Variants in SESN1 observed in about 807,000 individuals in gnomAD.
The protein encoded by SESN1 is sestrin 1, also known as sestrin-1.
SESN1 carries 30 observed loss-of-function variants against 59.3 expected under a neutral mutation model. The observed-to-expected ratio is 0.51, with a 90% CI of 0.38 to 0.69. The LOEUF is 0.69. SESN1 is among the 30% of genes least tolerant of loss of function. The probability of loss-of-function intolerance (pLI) is 0.00; values close to 1 mark genes in which losing one functional copy is unlikely to be tolerated. For synonymous variants in SESN1, 197 were observed against 219.9 expected (o/e 0.90, Z 0.92); for missense variants, 566 against 673.0 (o/e 0.84, Z 1.76).
chr6:109,022,134 T>C (rs924724102), intron 1 of SESN1, among the ~76,000 whole-genome samples: 1 of 152,050 alleles, frequency 6.6e-6, no homozygotes, highest in African/African-American at 2.4e-5. Context: ...TAATTTCCTA[T>C]AGAGATGCAC....
intron 1 of SESN1, among the ~76,000 whole-genome samples, chr6:109,033,247 G>A (rs760612466): frequency 8.5e-5 from 13 of 152,108 alleles, no homozygotes; most frequent in Non-Finnish European, 1.9e-4. Flanking sequence ...AGTAACAAAG[G>A]TATAAACCAG....
intron 1 of SESN1, among the ~76,000 whole-genome samples, chr6:109,051,991 T>C (rs1360794571): frequency 6.6e-6 from 1 of 152,218 alleles, no homozygotes; most frequent in Non-Finnish European, 1.5e-5. Context: ...ACCCAAATTT[T>C]GGAGTGACAC....
Position 108,994,508 on chromosome 6 carries a change from T to C in SESN1, c.1074A>G (p.Ser358=). Residue 358 remains serine, a synonymous_variant, in exon 6 of 10, where the codon TCA becomes TCG. Coordinates refer to ENST00000436639, the MANE Select transcript of SESN1 (RefSeq NM_014454.3). ...EEEASQEEMA[S]RFEIEKRESM... ...TCTCTCTTTTTTCTATTTCAAAACG[T>C]GAAGCCATCTCTTCCTGACTTGCCT... 9 of 1,613,336 alleles carry C rather than the reference T, an allele frequency of 5.6e-6. No individual in the cohort carries two copies. The highest frequency in any genetic ancestry group is 7.6e-6 in the Non-Finnish European group (9 of 1,179,578).
intron 1 of SESN1, among the ~76,000 whole-genome samples, chr6:109,014,252 A>G (rs532981571): frequency 2.0e-4 from 31 of 152,330 alleles, no homozygotes; most frequent in Middle Eastern, 3.4e-3. Flanking sequence ...AATGTGTTAA[A>G]TAACGGTCAG....
chr6:108,989,282 C>T (rs780902980), intron 8 of SESN1, among the ~76,000 whole-genome samples: 7 of 152,036 alleles, frequency 4.6e-5, no homozygotes, highest in Admixed American at 2.0e-4. Flanking sequence ...GGATTATGGG[C>T]GTGAGCCACC....
At position 108,987,039 on chromosome 6, in the gene SESN1, C is replaced by G. The variant is rs1476854365; in HGVS notation, c.*505G>C. ...ATAATGCAAGTTTAATTTGAAATCACACAAGTTATGTATGTAGGCTCAGAT... is the reference window on the plus strand; with the variant it reads ...ATAATGCAAGTTTAATTTGAAATCAGACAAGTTATGTATGTAGGCTCAGAT... On this transcript the variant is annotated 3_prime_UTR_variant, in exon 10 of 10. Coordinates refer to ENST00000436639, the MANE Select transcript of SESN1 (RefSeq NM_014454.3). 1.3e-5 allele frequency: 2 copies of G among 152,720 alleles called. No individual in the cohort carries two copies. Among genetic ancestry groups the G allele is most frequent in the Non-Finnish European group, 2.9e-5 (2 of 68,134 alleles). 9.5% of individuals were successfully genotyped at this position (152,720 alleles called of 1,614,324 possible).
In SESN1 at chr6:109,094,279, A is replaced by G. The variant is rs969000537; in HGVS notation, c.-206T>C. On this transcript the variant is annotated 5_prime_UTR_variant, in exon 1 of 10. Transcript: ENST00000436639. ...CCCTCTCACCCTCTCCTTGTACACG[A>G]AAGGGCAGTCTTCTTTCTGGAAAAA... 5 of 573,340 alleles carry G rather than the reference A, an allele frequency of 8.7e-6. No homozygotes were observed. The highest frequency in any genetic ancestry group is 7.5e-5 in the African/African-American group (4 of 52,990). 35.5% of individuals were successfully genotyped at this position (573,340 alleles called of 1,614,324 possible). A position where few individuals can be genotyped will look rare whatever the true frequency, so the allele number is the denominator to read the frequency against.
chr6:109,041,006 A>G (rs1780331965), intron 1 of SESN1, among the ~76,000 whole-genome samples: 1 of 151,888 alleles, frequency 6.6e-6, no homozygotes, highest in Non-Finnish European at 1.5e-5. Context: ...AGTGTGCATC[A>G]TTTCAAATTG....
chr6:109,022,475 T>C (rs1780028021), intron 1 of SESN1, among the ~76,000 whole-genome samples: 1 of 130,032 alleles, frequency 7.7e-6, no homozygotes, highest in Non-Finnish European at 1.5e-5. Flanking sequence ...CAGGCTGGAG[T>C]GCAGTGGCGC....
At chr6:109,072,636 G>A (rs1373231243) in intron 1 of SESN1, among the ~76,000 whole-genome samples, 1 of 152,144 alleles carries the variant, frequency 6.6e-6, no homozygotes, top group Admixed American at 6.5e-5. Flanking sequence ...ACAATGGAGA[G>A]AGCAGGCAAG....
chr6:109,075,707 C>T (rs1441788929), intron 1 of SESN1, among the ~76,000 whole-genome samples: 2 of 152,254 alleles, frequency 1.3e-5, no homozygotes, highest in East Asian at 3.9e-4. Context: ...TTATAGGAGA[C>T]CCTGAAACAG....
At chr6:109,011,398 T>C (rs1779855843) in intron 1 of SESN1, among the ~76,000 whole-genome samples, 1 of 152,126 alleles carries the variant, frequency 6.6e-6, no homozygotes, top group African/African-American at 2.4e-5. Context: ...ATAATTTTAA[T>C]TTAATATTCT....
chr6:109,050,388 T>TAAAA (rs571788136), intron 1 of SESN1, among the ~76,000 whole-genome samples: 8 of 134,106 alleles, frequency 6.0e-5, no homozygotes, highest in African/African-American at 2.2e-4. Context: ...TTTAAATTGT[T>TAAAA]AAAAAAAAAA....
In SESN1 at chr6:108,994,543, C is replaced by G. The variant is rs760701656; in HGVS notation, c.1039G>C (p.Asp347His). ...EKMRQLQECR[D>H]EEEASQEEMA... ...TCTTCCTGACTTGCCTCTTCTTCAT[C>G]TCGACATTCCTGTAACTGCCTCATC... Residue 347 changes from aspartate to histidine, a missense_variant, in exon 6 of 10, where the codon GAT (aspartate) becomes CAT (histidine). Asp to His is a moderately conservative substitution (Grantham distance 81). Transcript: ENST00000436639. 4 of 1,613,630 alleles carry G rather than the reference C, an allele frequency of 2.5e-6. No individual in the cohort carries two copies. The highest frequency in any genetic ancestry group is 1.7e-5 in the Admixed American group (1 of 60,020).
chr6:109,045,719 C>A (rs1780418514), intron 1 of SESN1, among the ~76,000 whole-genome samples: 1 of 152,212 alleles, frequency 6.6e-6, no homozygotes, highest in African/African-American at 2.4e-5. Context: ...CCATCCAAAG[C>A]CTTTGCAGAA....
chr6:109,043,548 C>T (rs1016663553), intron 1 of SESN1, among the ~76,000 whole-genome samples: 1 of 152,030 alleles, frequency 6.6e-6, no homozygotes. Flanking sequence ...AGTTAATATA[C>T]AAGAGTGAAT....
chr6:109,020,344 T>C (rs1241969226), intron 1 of SESN1, among the ~76,000 whole-genome samples: 1 of 152,236 alleles, frequency 6.6e-6, no homozygotes, highest in East Asian at 1.9e-4. Flanking sequence ...ATCTTTATTA[T>C]GCCAGATACT....
At position 108,988,439 on chromosome 6, in the gene SESN1, G is replaced by T. The variant is rs1234555177; in HGVS notation, c.1569+104C>A. ...GCTGTCCTGGAATGTTTTTCTTTGG[G>T]TTGGTAGGGGTGATGGAAAGGGTTT... is the stretch of plus-strand genomic sequence containing the variant. On this transcript the variant is annotated intron_variant, in intron 9 of 9. Coordinates refer to ENST00000436639, the MANE Select transcript of SESN1 (RefSeq NM_014454.3). The T allele has an allele frequency of 5.0e-6, 5 of 1,005,528 alleles. No homozygotes were observed. The East Asian group carries it at 8.0e-5, about 16-fold the overall frequency. 62.3% of individuals were successfully genotyped at this position (1,005,528 alleles called of 1,614,324 possible). A position where few individuals can be genotyped will look rare whatever the true frequency, so the allele number is the denominator to read the frequency against.
Position 109,094,198 on chromosome 6 carries a change from C to T in SESN1, c.-125G>A. On this transcript the variant is annotated 5_prime_UTR_variant, in exon 1 of 10. In the 5' UTR this introduces an upstream ATG that the reference lacks. Coordinates refer to ENST00000436639, the MANE Select transcript of SESN1 (RefSeq NM_014454.3). ...GAAATCAAATCGTCATGAAAACACA[C>T]ATCTGGGTGACATTTGGAACCACTG... is the stretch of plus-strand genomic sequence containing the variant. 1 of 1,086,310 alleles carries T rather than the reference C, an allele frequency of 9.2e-7. No homozygotes were observed. The highest frequency in any genetic ancestry group is 2.5e-5 in the East Asian group (1 of 40,624). The allele number at this position is 1,086,310 out of a possible 1,614,324, so 67.3% of individuals were successfully genotyped here.
Sources: gnomAD v4.1 joint callset for allele counts (sites outside exome capture counted in the v4.1 genomes callset) on GRCh38, gnomAD v4.1.1 for gene constraint, MANE v1.5 for transcripts, NCBI Gene and HGNC (gene_info 2026-07-23, HGNC 2026-07-21) for gene names.